The following CCDC83 variants were observed in gnomAD, a reference collection of about 807,000 sequenced individuals.
CCDC83 encodes the protein coiled-coil domain-containing protein 83.
CCDC83 carries 54 observed loss-of-function variants against 50.1 expected under a neutral mutation model. The observed-to-expected ratio is 1.08, with a 90% confidence interval of 0.87 to 1.35. The LOEUF (loss-of-function observed/expected upper bound fraction) is 1.35. CCDC83 is among the 40% of genes most tolerant of loss of function. CCDC83 has a pLI of 0.00. For missense variants in CCDC83, 518 were observed against 473.9 expected, an observed-to-expected ratio of 1.09 and a Z score of -0.86; for synonymous variants, 161 against 153.3, an observed-to-expected ratio of 1.05 and a Z score of -0.37.
At chr11:85,881,031 G>A (rs1467130248) in intron 3 of CCDC83, among the ~76,000 whole-genome samples, 1 of 152,136 alleles carries the variant, frequency 6.6e-6, no homozygotes, top group Non-Finnish European at 1.5e-5. Context: ...ATGACATCAG[G>A]TGTGTCATTT....
At position 85,885,871 on chromosome 11, in the gene CCDC83, A is replaced by G. The variant is rs61907281; in HGVS notation, c.344-329A>G. 5.8e-3 allele frequency among the ~76,000 whole-genome samples: 888 copies of G among 152,346 alleles called. 4 individuals are homozygous for G. The highest frequency in any genetic ancestry group is 9.4e-3 in the Non-Finnish European group (640 of 68,034). ...AAAGAATACATATTATACATATTAT[A>G]TGATACACTGTACAAAATAGGACCC... is the stretch of plus-strand genomic sequence containing the variant. On this transcript the variant is annotated intron_variant, in intron 4 of 10. Transcript: ENST00000342404.
At chr11:85,875,723 G>C (rs1298899933) in intron 3 of CCDC83, among the ~76,000 whole-genome samples, 1 of 152,176 alleles carries the variant, frequency 6.6e-6, no homozygotes, top group Non-Finnish European at 1.5e-5. Flanking sequence ...TGAGGTCATA[G>C]ATATTTAACA....
At chr11:85,899,050 G>A (rs752696178) in intron 7 of CCDC83, 35 bp downstream of exon 7, 9 of 1,498,854 alleles carry the variant, frequency 6.0e-6, no homozygotes, top group East Asian at 4.5e-5. Flanking sequence ...CAATTTCTTC[G>A]TTCTCATTTT....
At chr11:85,897,532 T>A (rs2093381018) in intron 6 of CCDC83, among the ~76,000 whole-genome samples, 1 of 152,232 alleles carries the variant, frequency 6.6e-6, no homozygotes, top group African/African-American at 2.4e-5. Flanking sequence ...ACCCAGGTGA[T>A]GCCTGTATCT....
At chr11:85,881,376 C>T (rs570220054) in intron 3 of CCDC83, among the ~76,000 whole-genome samples, 1 of 149,068 alleles carries the variant, frequency 6.7e-6, no homozygotes, top group Non-Finnish European at 1.5e-5. Flanking sequence ...CCATCCCCCC[C>T]CAAAAAAAAA....
chr11:85,873,830 G>A (rs549760691), intron 3 of CCDC83, among the ~76,000 whole-genome samples: 1 of 152,298 alleles, frequency 6.6e-6, no homozygotes, highest in African/African-American at 2.4e-5. Flanking sequence ...CAGAAATAAA[G>A]TTTGGGAGCA....
chr11:85,874,422 C>A (rs1225527029), intron 3 of CCDC83, among the ~76,000 whole-genome samples: 2 of 152,182 alleles, frequency 1.3e-5, no homozygotes, highest in Non-Finnish European at 2.9e-5. Context: ...ATTGAGTAAT[C>A]ATTTTCCCCT....
intron 7 of CCDC83, among the ~76,000 whole-genome samples, chr11:85,902,874 A>G (rs2093408404): frequency 6.6e-6 from 1 of 152,054 alleles, no homozygotes; most frequent in Admixed American, 6.6e-5. Context: ...TATAGTATAT[A>G]CCTCTGTATA....
intron 1 of CCDC83, among the ~76,000 whole-genome samples, chr11:85,858,071 G>A (rs1425867613): frequency 1.3e-5 from 2 of 152,214 alleles, no homozygotes; most frequent in African/African-American, 2.4e-5. Context: ...GGTATCAGCT[G>A]AAGAATGCAC....
At chr11:85,878,748 C>CTG (rs3069735) in intron 3 of CCDC83, among the ~76,000 whole-genome samples, 52,149 of 151,958 alleles carry the variant, frequency 0.34, 9,896 homozygotes, top group African/African-American at 0.49. Context: ...TTTAAAGAAA[C>CTG]TTGAACTACT....
chr11:85,855,096 C>T (rs2093131273), upstream of CCDC83: 1 of 152,332 alleles, frequency 6.6e-6, no homozygotes, highest in African/African-American at 2.4e-5. Flanking sequence ...CGTCGGTTGC[C>T]TTGGAAATGC....
At chr11:85,897,537 G>C (rs1057458494) in intron 6 of CCDC83, among the ~76,000 whole-genome samples, 3 of 152,140 alleles carry the variant, frequency 2.0e-5, no homozygotes, top group African/African-American at 7.2e-5. Context: ...GGTGATGCCT[G>C]TATCTCACCC....
At chr11:85,863,271 A>G (rs914234005) in intron 1 of CCDC83, among the ~76,000 whole-genome samples, 2 of 152,244 alleles carry the variant, frequency 1.3e-5, no homozygotes, top group Non-Finnish European at 2.9e-5. Context: ...TTAAAATTCT[A>G]ATTCTAAAAT....
chr11:85,914,544 TTCTCTC>T (rs1250967637), intron 8 of CCDC83, among the ~76,000 whole-genome samples: 1 of 152,176 alleles, frequency 6.6e-6, no homozygotes, highest in Non-Finnish European at 1.5e-5. Flanking sequence ...CGCTTTCTCT[TTCTCTC>T]TTCATCTCAA....
intron 8 of CCDC83, among the ~76,000 whole-genome samples, chr11:85,912,322 AG>A (rs983941717): frequency 2.6e-5 from 4 of 152,176 alleles, no homozygotes; most frequent in African/African-American, 9.7e-5. Context: ...ATTGTTTTCC[AG>A]GAAAGGTGGA....
chr11:85,909,595 G>A (rs1166919775), intron 7 of CCDC83, among the ~76,000 whole-genome samples: 2 of 125,704 alleles, frequency 1.6e-5, no homozygotes, highest in East Asian at 4.9e-4. Flanking sequence ...TTGGACAAAA[G>A]TCATCAAAAT....
chr11:85,897,379 T>C (rs939834987), intron 6 of CCDC83, among the ~76,000 whole-genome samples: 5 of 152,218 alleles, frequency 3.3e-5, no homozygotes, highest in African/African-American at 7.2e-5. Context: ...CATTTTCTTT[T>C]CTCCACATAA....
chr11:85,916,018 T>A lies in CCDC83; in HGVS notation c.875-10T>A. The stretch of plus-strand genomic sequence containing the variant: ...TGTATACATAATTAATTCCTTTGTA[T>A]TTATCCAAGAAGAGAAGTCAGAATT... On this transcript the variant is annotated splice_polypyrimidine_tract_variant and intron_variant, in intron 9 of 10. Coordinates refer to ENST00000342404, the MANE Select transcript of CCDC83 (RefSeq NM_001286159.2). The A allele has an allele frequency of 6.4e-7, 1 of 1,568,236 alleles. No individual in the cohort carries two copies. The highest frequency in any genetic ancestry group is 1.7e-5 in the Admixed American group (1 of 58,028).
At chr11:85,912,740 T>C (rs2093460611) in intron 8 of CCDC83, 2 of 1,591,992 alleles carry the variant, frequency 1.3e-6, no homozygotes, top group Admixed American at 3.3e-5. Flanking sequence ...CAGGCGTTGC[T>C]GGTATGTGGC....
Sources: gnomAD v4.1 joint callset for allele counts (sites outside exome capture counted in the v4.1 genomes callset) on GRCh38, gnomAD v4.1.1 for gene constraint, MANE v1.5 for transcripts, NCBI Gene and HGNC (gene_info 2026-07-23, HGNC 2026-07-21) for gene names.